Variants in ACCSL observed in about 807,000 individuals in gnomAD.
ACCSL encodes the protein 1-aminocyclopropane-1-carboxylate synthase homolog (inactive) like.
In ACCSL, 55 loss-of-function variants were observed where a neutral mutation model predicts 61.7. The observed-to-expected ratio is 0.89, with a 90% CI of 0.72 to 1.12. The LOEUF is 1.12. Among genes scored for constraint, ACCSL ranks in the 50% most tolerant of loss-of-function variants. ACCSL has a pLI of 0.00. For missense variants in ACCSL, 632 were observed against 698.0 expected (o/e 0.91, Z 1.07); for synonymous variants, 258 against 264.3 (o/e 0.98, Z 0.23).
chr11:44,010,917 C>A, the ACCSL span, among the ~76,000 whole-genome samples: 93 of 152,310 alleles, frequency 6.1e-4, no homozygotes, highest in East Asian at 0.015. Context: ...TACCCCTATA[C>A]TTAGTCAGTG....
At chr11:44,034,032 C>T in the ACCSL span, among the ~76,000 whole-genome samples, 127,332 of 151,852 alleles carry the variant, frequency 0.84, 53,535 homozygotes, top group African/African-American at 0.89. Flanking sequence ...CAAGCCCAGC[C>T]GGGCTTGGGC....
chr11:43,979,617 G>T, the ACCSL span, among the ~76,000 whole-genome samples: 2 of 152,146 alleles, frequency 1.3e-5, no homozygotes, highest in Non-Finnish European at 2.9e-5. Flanking sequence ...ACCACAACTT[G>T]ATGTTACCTC....
upstream of ACCSL, among the ~76,000 whole-genome samples, chr11:44,043,816 T>TATTGTAAC (rs1180248003): frequency 6.6e-6 from 1 of 152,196 alleles, no homozygotes; most frequent in Non-Finnish European, 1.5e-5. Flanking sequence ...TTGGTCTTTA[T>TATTGTAAC]ATTGTAACCT....
upstream of ACCSL, among the ~76,000 whole-genome samples, chr11:44,046,971 C>T (rs1316881489): frequency 6.6e-6 from 1 of 151,992 alleles, no homozygotes; most frequent in Admixed American, 6.6e-5. Flanking sequence ...AAGCCATAAT[C>T]ATGCCACTGC....
the ACCSL span, among the ~76,000 whole-genome samples, chr11:43,934,069 C>CCTCCCTCT: frequency 6.6e-6 from 1 of 151,964 alleles, no homozygotes; most frequent in Non-Finnish European, 1.5e-5. Flanking sequence ...CCTCTCCCTC[C>CCTCCCTCT]CTCCCTCTCT....
chr11:43,973,411 TATC>T, the ACCSL span, among the ~76,000 whole-genome samples: 1 of 870 alleles, frequency 1.1e-3, no homozygotes. Flanking sequence ...GGTTTTGAGA[TATC>T]TATCTATCTA....
the ACCSL span, chr11:43,971,552 T>A: frequency 6.6e-6 from 1 of 152,232 alleles, no homozygotes; most frequent in Non-Finnish European, 1.5e-5. Flanking sequence ...GAGCCTGCGT[T>A]CTGACCACTG....
the ACCSL span, among the ~76,000 whole-genome samples, chr11:43,984,542 A>C: frequency 6.6e-6 from 1 of 152,224 alleles, no homozygotes; most frequent in African/African-American, 2.4e-5. Flanking sequence ...ACAATGACCT[A>C]GCCGGGCTCT....
the ACCSL span, chr11:43,942,437 C>T: frequency 4.8e-6 from 1 of 209,422 alleles, no homozygotes; most frequent in South Asian, 4.6e-5. Context: ...CCCCCGCGGG[C>T]GGGGCCTGCC....
chr11:43,938,167 T>C, the ACCSL span, among the ~76,000 whole-genome samples: 2 of 152,142 alleles, frequency 1.3e-5, no homozygotes, highest in Non-Finnish European at 2.9e-5. Context: ...TCGAGAACAG[T>C]GAGGACTTGC....
At chr11:44,017,780 T>C in the ACCSL span, among the ~76,000 whole-genome samples, 4 of 152,054 alleles carry the variant, frequency 2.6e-5, no homozygotes, top group Admixed American at 6.6e-5. Flanking sequence ...AGTAATTGTG[T>C]AACCCTGGGC....
the ACCSL span, among the ~76,000 whole-genome samples, chr11:43,978,793 T>G: frequency 6.9e-6 from 1 of 144,128 alleles, no homozygotes; most frequent in African/African-American, 2.6e-5. Context: ...GTTTTTTTTT[T>G]TTTTTTTTTT....
chr11:44,051,675 G>T lies in ACCSL; in HGVS notation c.728G>T (p.Cys243Phe), dbSNP rs372781164. The change falls in exon 5 of 14, where the codon TGC becomes TTC. Residue 243 changes from cysteine to phenylalanine, a missense_variant. Cys to Phe is a radical substitution (Grantham distance 205). Transcript: ENST00000378832. ...PENVVVLNGC[C>F]SVFCALAMVL... ...CAGGTGGTGGTTCTAAATGGCTGCT[G>T]CTCTGTCTTCTGTGCCCTGGCCATG... 9 of 1,614,072 alleles carry T rather than the reference G, an allele frequency of 5.6e-6. No individual in the cohort carries two copies. In the African/African-American group the frequency reaches 9.3e-5, roughly 17 times the overall value.
the ACCSL span, among the ~76,000 whole-genome samples, chr11:44,006,449 C>T: frequency 6.6e-6 from 1 of 151,138 alleles, no homozygotes; most frequent in Non-Finnish European, 1.5e-5. Context: ...AGGTACCCAA[C>T]TTCTGGAAGA....
chr11:43,944,201 A>G, the ACCSL span: 2 of 212,622 alleles, frequency 9.4e-6, no homozygotes, highest in Non-Finnish European at 1.9e-5. Context: ...CGTACAGTTC[A>G]CTTCCCAGAG....
chr11:44,001,845 C>G, the ACCSL span, among the ~76,000 whole-genome samples: 3 of 145,042 alleles, frequency 2.1e-5, no homozygotes, highest in East Asian at 6.2e-4. Flanking sequence ...GGTGGGGCTC[C>G]CCGACAGGCT....
the ACCSL span, among the ~76,000 whole-genome samples, chr11:43,973,181 A>G: frequency 4.6e-5 from 7 of 152,212 alleles, no homozygotes; most frequent in African/African-American, 1.7e-4. Context: ...AAGACTACAT[A>G]ACATGACTTG....
intron 11 of ACCSL, among the ~76,000 whole-genome samples, chr11:44,056,961 T>G (rs1404464697): frequency 6.6e-6 from 1 of 152,210 alleles, no homozygotes; most frequent in Non-Finnish European, 1.5e-5. Context: ...AAATTAGTCT[T>G]TATGTGAATA....
chr11:44,004,619 C>T, the ACCSL span, among the ~76,000 whole-genome samples: 3 of 152,180 alleles, frequency 2.0e-5, no homozygotes, highest in African/African-American at 7.2e-5. Flanking sequence ...GAAAATGAGG[C>T]CCTAGGAATC....
Sources: allele counts gnomAD v4.1 joint callset (sites outside exome capture counted in the v4.1 genomes callset), GRCh38; gene constraint gnomAD v4.1.1; transcripts MANE v1.5; gene names NCBI Gene and HGNC (gene_info 2026-07-23, HGNC 2026-07-21).